EYS: variants seen among roughly 807,000 people sequenced by gnomAD.
EYS encodes the protein protein eyes shut homolog.
EYS carries 250 observed loss-of-function variants against 282.1 expected under a neutral mutation model. The observed-to-expected ratio is 0.89, with a 90% CI of 0.80 to 0.98. The LOEUF is 0.98. Ranked by LOEUF, EYS falls within the 50% of genes least tolerant of loss-of-function variation. The pLI, the probability that EYS is intolerant of heterozygous loss-of-function variation, is 0.00. For missense variants in EYS, 4,016 were observed against 3,709.0 expected (o/e 1.08, Z -2.15); for synonymous variants, 1,355 against 1,282.9 (o/e 1.06, Z -1.20).
chr6:65,022,483 A>G (rs1002762041), intron 13 of EYS, among the ~76,000 whole-genome samples: 2 of 152,088 alleles, frequency 1.3e-5, no homozygotes, highest in African/African-American at 4.8e-5. Flanking sequence ...TTCTTTCTGT[A>G]GCTCTTCCCA....
At chr6:65,630,698 C>A (rs1766881680) in intron 2 of EYS, among the ~76,000 whole-genome samples, 1 of 152,176 alleles carries the variant, frequency 6.6e-6, no homozygotes. Context: ...GTGTCATTGT[C>A]AGTTAAAATA....
intron 35 of EYS, among the ~76,000 whole-genome samples, chr6:63,919,568 T>A (rs1479463698): frequency 6.6e-6 from 1 of 152,150 alleles, no homozygotes; most frequent in Non-Finnish European, 1.5e-5. Flanking sequence ...TATTAAACTG[T>A]GACATAGACT....
At chr6:64,306,498 C>T (rs1279332710) in intron 30 of EYS, among the ~76,000 whole-genome samples, 2 of 152,042 alleles carry the variant, frequency 1.3e-5, no homozygotes. Context: ...TTTAGTTCAC[C>T]CAATTCAAAG....
chr6:63,756,477 A>T (rs917931608), intron 41 of EYS, among the ~76,000 whole-genome samples: 1 of 152,136 alleles, frequency 6.6e-6, no homozygotes, highest in Non-Finnish European at 1.5e-5. Context: ...GGATGAAGCC[A>T]ACTTGATCAT....
intron 31 of EYS, among the ~76,000 whole-genome samples, chr6:64,086,033 C>A (rs772559512): frequency 1.3e-5 from 2 of 152,152 alleles, no homozygotes; most frequent in South Asian, 4.1e-4. Flanking sequence ...TCTTACCTAC[C>A]TTTTGCAGAC....
At chr6:65,633,012 A>C (rs533787630) in intron 2 of EYS, among the ~76,000 whole-genome samples, 2 of 152,334 alleles carry the variant, frequency 1.3e-5, no homozygotes, top group Admixed American at 1.3e-4. Context: ...CTATCTACAG[A>C]AATTTATTAA....
chr6:64,821,689 A>T lies in EYS; in HGVS notation c.3199T>A (p.Cys1067Ser), dbSNP rs1465652785. 6.6e-7 allele frequency: 1 copy of T among 1,526,478 alleles called. No individual in the cohort carries two copies. The highest frequency in any genetic ancestry group is 2.5e-5 in the East Asian group (1 of 40,444). The allele number at this position is 1,526,478 out of a possible 1,614,324, so 94.6% of individuals were successfully genotyped here. The change falls in exon 21 of 43, where the codon TGT (cysteine) becomes AGT (serine). Residue 1067 changes from cysteine to serine, a missense_variant. Coordinates refer to ENST00000503581, the MANE Select transcript of EYS (RefSeq NM_001142800.2). Reference sequence around the variant, plus strand: ...TGTGTGCTAGTCCCATCTGCATCACATGAACATGGATATTCATTAATAAGT... The same window carrying T: ...TGTGTGCTAGTCCCATCTGCATCACTTGAACATGGATATTCATTAATAAGT... ...TELINEYPCSCDADGTSTQCK... is the reference protein window; with the variant it reads ...TELINEYPCSSDADGTSTQCK...
At chr6:65,364,072 A>G (rs1011166055) in intron 8 of EYS, among the ~76,000 whole-genome samples, 1 of 149,216 alleles carries the variant, frequency 6.7e-6, no homozygotes, top group Non-Finnish European at 1.5e-5. Context: ...ATATATTTTT[A>G]AATTTGTTTT....
intron 22 of EYS, among the ~76,000 whole-genome samples, chr6:64,716,813 G>A (rs1771416200): frequency 6.6e-6 from 1 of 152,070 alleles, no homozygotes; most frequent in Non-Finnish European, 1.5e-5. Flanking sequence ...TTTAATGCAG[G>A]TTGCTTGGTC....
chr6:64,794,112 T>C (rs1774275283), intron 22 of EYS, among the ~76,000 whole-genome samples: 1 of 152,204 alleles, frequency 6.6e-6, no homozygotes, highest in African/African-American at 2.4e-5. Context: ...TTCTGTGATG[T>C]GCTTATTTCA....
At chr6:64,294,501 A>T (rs770786156) in intron 30 of EYS, among the ~76,000 whole-genome samples, 1 of 152,174 alleles carries the variant, frequency 6.6e-6, no homozygotes, top group Admixed American at 6.5e-5. Flanking sequence ...GTAAGGTAAG[A>T]CTACATTCCC....
chr6:64,373,662 C>T (rs1398438214), intron 29 of EYS, among the ~76,000 whole-genome samples: 2 of 152,126 alleles, frequency 1.3e-5, no homozygotes, highest in Admixed American at 1.3e-4. Context: ...GACGGCTGAG[C>T]CAGAAGCTCT....
At chr6:65,606,825 GAGA>G (rs1208073426) in intron 2 of EYS, among the ~76,000 whole-genome samples, 3 of 151,618 alleles carry the variant, frequency 2.0e-5, no homozygotes, top group East Asian at 1.9e-4. Flanking sequence ...AAGTAAAAAA[GAGA>G]AGTTTACCAG....
rs985565389 is a variant in EYS, at chr6:65,452,105, T to C, written c.862+38489A>G. On this transcript the variant is annotated intron_variant, in intron 5 of 42. Transcript: ENST00000503581. ...AAATTAGTTAATATATGTCATACAC[T>C]TGTAATAGTACCTTATGACCTCACA... is the stretch of plus-strand genomic sequence containing the variant. 2.0e-5 allele frequency among the ~76,000 whole-genome samples: 3 copies of C among 151,780 alleles called. 1 individual carries two copies. In the South Asian group the frequency reaches 6.2e-4, roughly 31 times the overall value.
intron 26 of EYS, among the ~76,000 whole-genome samples, chr6:64,441,740 G>A (rs952795044): frequency 1.3e-5 from 2 of 152,142 alleles, no homozygotes; most frequent in African/African-American, 2.4e-5. Context: ...AAAAACAAGA[G>A]TTGCCCTGCA....
intron 22 of EYS, among the ~76,000 whole-genome samples, chr6:64,791,804 T>C (rs1774201163): frequency 6.6e-6 from 1 of 151,928 alleles, no homozygotes; most frequent in South Asian, 2.1e-4. Context: ...CAATATTGCA[T>C]TATTTCCAGA....
At chr6:65,471,027 C>T (rs942846305) in intron 5 of EYS, among the ~76,000 whole-genome samples, 2 of 151,956 alleles carry the variant, frequency 1.3e-5, no homozygotes, top group Non-Finnish European at 2.9e-5. Context: ...ATCCCAACTA[C>T]TTGGGAGACT....
intron 33 of EYS, among the ~76,000 whole-genome samples, chr6:64,063,194 C>T (rs184360500): frequency 1.3e-5 from 2 of 152,262 alleles, no homozygotes; most frequent in African/African-American, 4.8e-5. Flanking sequence ...TTATCGTCTG[C>T]ACAGTGATGA....
chr6:64,195,774 T>C, intron 31 of EYS, among the ~76,000 whole-genome samples: 1 of 152,264 alleles, frequency 6.6e-6, no homozygotes, highest in African/African-American at 2.4e-5. Flanking sequence ...TCTTACTCAT[T>C]TTCTCAGTGT....
Sources: allele counts gnomAD v4.1 joint callset (sites outside exome capture counted in the v4.1 genomes callset), GRCh38; gene constraint gnomAD v4.1.1; transcripts MANE v1.5; gene names NCBI Gene and HGNC (gene_info 2026-07-23, HGNC 2026-07-21).